BMERB1: variants seen among roughly 807,000 people sequenced by gnomAD.
BMERB1 encodes bMERB domain-containing protein 1.
BMERB1 carries 12 observed loss-of-function variants against 23.6 expected under a neutral mutation model. The observed-to-expected ratio is 0.51, with a 90% CI of 0.33 to 0.82. The LOEUF (loss-of-function observed/expected upper bound fraction) is 0.82, where lower values mean the gene tolerates loss of function less well. Ranked by LOEUF, BMERB1 falls within the 40% of genes least tolerant of loss-of-function variation. BMERB1 has a pLI of 0.03. For synonymous variants in BMERB1, 122 were observed against 96.6 expected (o/e 1.26, Z -1.54); for missense variants, 247 against 255.4 (o/e 0.97, Z 0.22).
intron 1 of BMERB1, among the ~76,000 whole-genome samples, chr16:15,506,469 G>T (rs1210143372): frequency 6.6e-6 from 1 of 152,120 alleles, no homozygotes; most frequent in Non-Finnish European, 1.5e-5. Flanking sequence ...ACTGTGCCCA[G>T]CCCCCTCCTA....
At chr16:15,575,531 G>A (rs1160446153) in intron 3 of BMERB1, among the ~76,000 whole-genome samples, 2 of 152,180 alleles carry the variant, frequency 1.3e-5, no homozygotes, top group African/African-American at 4.8e-5. Flanking sequence ...TGTGTTACTG[G>A]TGGAAGGTGT....
At chr16:15,535,399 G>A (rs1241299898) in intron 2 of BMERB1, among the ~76,000 whole-genome samples, 1 of 152,088 alleles carries the variant, frequency 6.6e-6, no homozygotes, top group Non-Finnish European at 1.5e-5. Context: ...TGTAATCCCA[G>A]CACTTTGAGA....
intron 1 of BMERB1, among the ~76,000 whole-genome samples, chr16:15,449,776 C>G (rs1447980582): frequency 6.6e-6 from 1 of 151,928 alleles, no homozygotes; most frequent in African/African-American, 2.4e-5. Context: ...GAACTCCTGA[C>G]TTCAGGTGAT....
chr16:15,473,806 A>C (rs2051252352), intron 1 of BMERB1, among the ~76,000 whole-genome samples: 1 of 152,070 alleles, frequency 6.6e-6, no homozygotes, highest in Admixed American at 6.5e-5. Flanking sequence ...ACTGTCATTT[A>C]AATTGATGTT....
chr16:15,505,556 G>T (rs957093443), intron 1 of BMERB1, among the ~76,000 whole-genome samples: 2 of 152,096 alleles, frequency 1.3e-5, no homozygotes, highest in African/African-American at 4.8e-5. Flanking sequence ...TATTGTCTGT[G>T]GATGTCATGG....
intron 3 of BMERB1, among the ~76,000 whole-genome samples, chr16:15,580,960 A>G (rs555521410): frequency 8.3e-4 from 125 of 150,944 alleles, no homozygotes; most frequent in Non-Finnish European, 1.5e-3. Context: ...GCAGTGGCGC[A>G]GTCTCAGCTC....
chr16:15,530,987 C>T (rs1381926310), intron 2 of BMERB1, among the ~76,000 whole-genome samples: 1 of 149,188 alleles, frequency 6.7e-6, no homozygotes, highest in Non-Finnish European at 1.5e-5. Context: ...CTCACTACAA[C>T]CACCACCTCC....
intron 1 of BMERB1, among the ~76,000 whole-genome samples, chr16:15,440,306 T>C (rs2050929150): frequency 6.8e-6 from 1 of 146,514 alleles, no homozygotes; most frequent in Admixed American, 6.9e-5. Context: ...AAATGCTCTA[T>C]GAGTAGGAGA....
chr16:15,467,161 C>A (rs921421429), intron 1 of BMERB1, among the ~76,000 whole-genome samples: 1 of 152,138 alleles, frequency 6.6e-6, no homozygotes, highest in African/African-American at 2.4e-5. Context: ...TACTCTTATG[C>A]AAATTTTTGT....
At chr16:15,490,946 A>C (rs1444359309) in intron 1 of BMERB1, among the ~76,000 whole-genome samples, 4 of 152,114 alleles carry the variant, frequency 2.6e-5, no homozygotes, top group Non-Finnish European at 5.9e-5. Context: ...TCTGGGCTTG[A>C]GCAATCCTCC....
chr16:15,463,349 C>A (rs914970342), intron 1 of BMERB1, among the ~76,000 whole-genome samples: 5 of 152,052 alleles, frequency 3.3e-5, no homozygotes, highest in African/African-American at 7.2e-5. Context: ...CTGCTTTGGC[C>A]TCCCAAAGCC....
chr16:15,516,431 A>C (rs2051756931), intron 2 of BMERB1, among the ~76,000 whole-genome samples: 1 of 152,198 alleles, frequency 6.6e-6, no homozygotes, highest in Non-Finnish European at 1.5e-5. Flanking sequence ...AAAAGAAAAA[A>C]ATTAAAAATA....
intron 1 of BMERB1, among the ~76,000 whole-genome samples, chr16:15,472,644 G>A (rs1412287853): frequency 1.3e-5 from 2 of 151,622 alleles, no homozygotes; most frequent in Admixed American, 6.6e-5. Context: ...TTTGAAGTGA[G>A]TTTCTTCTAG....
intron 1 of BMERB1, among the ~76,000 whole-genome samples, chr16:15,438,770 G>C (rs1371412803): frequency 6.6e-6 from 1 of 152,180 alleles, no homozygotes; most frequent in Admixed American, 6.5e-5. Context: ...CTGTTTTCTA[G>C]ATGCGTGTTT....
chr16:15,470,312 G>A (rs1306828741), intron 1 of BMERB1, among the ~76,000 whole-genome samples: 1 of 151,950 alleles, frequency 6.6e-6, no homozygotes, highest in Non-Finnish European at 1.5e-5. Context: ...TGCATACCTG[G>A]ATTGTCCCAC....
At chr16:15,440,461 G>A (rs1467754071) in intron 1 of BMERB1, among the ~76,000 whole-genome samples, 2 of 152,046 alleles carry the variant, frequency 1.3e-5, no homozygotes, top group African/African-American at 2.4e-5. Flanking sequence ...CAGTGTGGAG[G>A]CTGAAATAAT....
intron 1 of BMERB1, among the ~76,000 whole-genome samples, chr16:15,499,289 T>A (rs1487984919): frequency 1.3e-5 from 2 of 151,966 alleles, no homozygotes. Context: ...TCCCAGCTAC[T>A]TGGGAGGCTG....
At chr16:15,496,625 G>A (rs1372603174) in intron 1 of BMERB1, among the ~76,000 whole-genome samples, 1 of 151,298 alleles carries the variant, frequency 6.6e-6, no homozygotes, top group Non-Finnish European at 1.5e-5. Flanking sequence ...TACAAGCTCC[G>A]CCTCCCGGGT....
chr16:15,585,728 G>A (rs2031124466), intron 5 of BMERB1, among the ~76,000 whole-genome samples: 1 of 152,136 alleles, frequency 6.6e-6, no homozygotes, highest in East Asian at 1.9e-4. Flanking sequence ...TACTCAGGAG[G>A]CTGAGCAGGA....
Sources: allele counts gnomAD v4.1 joint callset (sites outside exome capture counted in the v4.1 genomes callset), GRCh38; gene constraint gnomAD v4.1.1; transcripts MANE v1.5; gene names NCBI Gene and HGNC (gene_info 2026-07-23, HGNC 2026-07-21).